TEX9: variants seen among roughly 807,000 people sequenced by gnomAD.
The protein encoded by TEX9 is testis expressed 9.
Under a neutral mutation model 59.6 loss-of-function variants are expected in TEX9, and 74 were observed. That is an observed-to-expected ratio of 1.24 (90% CI 1.03 to 1.51). The LOEUF (loss-of-function observed/expected upper bound fraction) is 1.51. Ranked by LOEUF, TEX9 falls within the 40% of genes most tolerant of loss-of-function variation. TEX9 has a pLI of 0.00. For missense variants in TEX9, 522 were observed against 447.8 expected, an observed-to-expected ratio of 1.17 and a Z score of -1.49; for synonymous variants, 186 against 152.2, an observed-to-expected ratio of 1.22 and a Z score of -1.64.
chr15:56,251,419 A>C (rs1232800776), intron 1 of TEX9, among the ~76,000 whole-genome samples: 1 of 152,166 alleles, frequency 6.6e-6, no homozygotes, highest in Non-Finnish European at 1.5e-5. Flanking sequence ...AACATTTGAC[A>C]CCATGACAAT....
intron 1 of TEX9, among the ~76,000 whole-genome samples, chr15:56,280,209 T>A (rs1461580585): frequency 6.6e-6 from 1 of 152,212 alleles, no homozygotes; most frequent in African/African-American, 2.4e-5. Context: ...AACCCTATCA[T>A]AAGTTGAGGA....
intron 9 of TEX9, among the ~76,000 whole-genome samples, chr15:56,410,632 A>T (rs2049300986): frequency 6.6e-6 from 1 of 152,090 alleles, no homozygotes; most frequent in African/African-American, 2.4e-5. Context: ...TGTGGCTATC[A>T]TTTTTCCCCC....
chr15:56,394,034 C>T, intron 7 of TEX9, 131 bp from the exon 8 acceptor site: 1 of 702,858 alleles, frequency 1.4e-6, no homozygotes, highest in Non-Finnish European at 2.4e-6. Flanking sequence ...CTATAGTGCC[C>T]CCTAACAGAT....
At chr15:56,453,976 G>C in the TEX9 span, among the ~76,000 whole-genome samples, 1 of 152,122 alleles carries the variant, frequency 6.6e-6, no homozygotes, top group Non-Finnish European at 1.5e-5. Flanking sequence ...GCAGTTCCCT[G>C]AATTTAGACA....
chr15:56,288,291 C>T (rs1596067186), intron 1 of TEX9, among the ~76,000 whole-genome samples: 2 of 151,868 alleles, frequency 1.3e-5, no homozygotes, highest in South Asian at 4.2e-4. Context: ...TACTAGTTCG[C>T]TTTTTACTAG....
intron 5 of TEX9, 73 bp downstream of exon 5, chr15:56,388,593 A>G: frequency 1.5e-6 from 2 of 1,336,250 alleles, no homozygotes; most frequent in East Asian, 2.3e-5. Flanking sequence ...CTTTTCTTAG[A>G]CAAAGCAGAG....
chr15:56,275,327 A>G (rs1322848760), intron 1 of TEX9, among the ~76,000 whole-genome samples: 7 of 152,186 alleles, frequency 4.6e-5, no homozygotes, highest in African/African-American at 7.2e-5. Context: ...CAAGCATAGC[A>G]TGATCTCTTT....
chr15:56,293,384 A>T (rs2045141843), intron 1 of TEX9, among the ~76,000 whole-genome samples: 1 of 152,206 alleles, frequency 6.6e-6, no homozygotes, highest in African/African-American at 2.4e-5. Flanking sequence ...AAATAAAAAA[A>T]ATAAAAAGAA....
At chr15:56,399,563 C>G (rs1240924057) in intron 9 of TEX9, among the ~76,000 whole-genome samples, 1 of 152,258 alleles carries the variant, frequency 6.6e-6, no homozygotes, top group Non-Finnish European at 1.5e-5. Context: ...CAGACAACTT[C>G]TGCAGACTTA....
At chr15:56,415,999 A>G (rs2140181027) in intron 10 of TEX9, among the ~76,000 whole-genome samples, 1 of 151,656 alleles carries the variant, frequency 6.6e-6, no homozygotes, top group East Asian at 1.9e-4. Flanking sequence ...TGGGGATGGG[A>G]TTGCTTTTCT....
chr15:56,337,967 G>A (rs1032761411), intron 1 of TEX9, among the ~76,000 whole-genome samples: 6 of 152,164 alleles, frequency 3.9e-5, no homozygotes, highest in Non-Finnish European at 7.4e-5. Flanking sequence ...CAGTAGATGA[G>A]CTACATCCTA....
intron 9 of TEX9, among the ~76,000 whole-genome samples, chr15:56,402,904 T>C (rs2049956230): frequency 6.6e-6 from 1 of 152,254 alleles, no homozygotes. Flanking sequence ...TCTCAATAGA[T>C]GCAGAAAAGG....
intron 1 of TEX9, among the ~76,000 whole-genome samples, chr15:56,350,946 A>C (rs1343679506): frequency 6.6e-6 from 1 of 152,226 alleles, no homozygotes; most frequent in Non-Finnish European, 1.5e-5. Context: ...TGGTAAGGCA[A>C]TGGAGTAGAA....
intron 9 of TEX9, chr15:56,396,130 C>T (rs571130865): frequency 5.3e-5 from 8 of 151,968 alleles, no homozygotes; most frequent in Admixed American, 2.6e-4. Flanking sequence ...AATGTAGTGA[C>T]GATAAGAATT....
intron 1 of TEX9, among the ~76,000 whole-genome samples, chr15:56,247,782 A>T (rs1469690530): frequency 6.6e-6 from 1 of 152,222 alleles, no homozygotes; most frequent in African/African-American, 2.4e-5. Context: ...GTGGTTTACC[A>T]GATATGGAAA....
chr15:56,412,483 A>G (rs1385269669), intron 10 of TEX9, 47 bp downstream of exon 10: 5 of 1,549,548 alleles, frequency 3.2e-6, no homozygotes, highest in South Asian at 1.2e-5. Flanking sequence ...TTTGGTAACT[A>G]CTTCTTTTAT....
intron 1 of TEX9, among the ~76,000 whole-genome samples, chr15:56,256,034 A>G (rs757982155): frequency 3.3e-5 from 5 of 152,070 alleles, no homozygotes; most frequent in Non-Finnish European, 7.4e-5. Flanking sequence ...TTAATAAGCA[A>G]ATTGTTTATA....
chr15:56,392,503 C>G (rs528024451), intron 7 of TEX9, among the ~76,000 whole-genome samples: 3 of 152,102 alleles, frequency 2.0e-5, no homozygotes, highest in Non-Finnish European at 4.4e-5. Flanking sequence ...ATGATCCATT[C>G]ACCTCCCACC....
At chr15:56,365,773 A>T in intron 2 of TEX9, 103 bp downstream of exon 2, 1 of 1,516,112 alleles carries the variant, frequency 6.6e-7, no homozygotes, top group Non-Finnish European at 8.8e-7. Flanking sequence ...GGGACCACTC[A>T]CTCTGCAGCA....
Sources: allele counts gnomAD v4.1 joint callset (sites outside exome capture counted in the v4.1 genomes callset), GRCh38; gene constraint gnomAD v4.1.1; transcripts MANE v1.5; gene names NCBI Gene and HGNC (gene_info 2026-07-23, HGNC 2026-07-21).